PARG: variants seen among roughly 807,000 people sequenced by gnomAD.
PARG encodes mitochondrial poly(ADP-ribose) glycohydrolase.
A neutral mutation model predicts 113.0 loss-of-function variants in PARG; 35 were observed. That is an observed-to-expected ratio of 0.31 (90% CI 0.24 to 0.41). The LOEUF (loss-of-function observed/expected upper bound fraction) is 0.41, where lower values mean the gene tolerates loss of function less well. Ranked by LOEUF, PARG falls within the 10% of genes least tolerant of loss-of-function variation. The pLI, the probability that PARG is intolerant of heterozygous loss-of-function variation, is 1.00. For missense variants in PARG, 797 were observed against 1,169.4 expected (o/e 0.68, Z 4.64); for synonymous variants, 330 against 409.9 (o/e 0.81, Z 2.36).
At chr10:49,934,563 A>C (rs1364482504) in intron 2 of PARG, among the ~76,000 whole-genome samples, 25 of 152,210 alleles carry the variant, frequency 1.6e-4, no homozygotes, top group East Asian at 1.2e-3. Flanking sequence ...TTAAAGACAC[A>C]GACTGGCCGG....
intron 4 of PARG, among the ~76,000 whole-genome samples, chr10:49,924,804 T>C (rs571615167): frequency 2.6e-5 from 4 of 152,238 alleles, no homozygotes; most frequent in African/African-American, 9.6e-5. Flanking sequence ...CCAAAATGTA[T>C]TTATTTGAAA....
intron 16 of PARG, among the ~76,000 whole-genome samples, chr10:49,820,898 C>T (rs1023034001): frequency 1.3e-5 from 2 of 152,038 alleles, no homozygotes; most frequent in Non-Finnish European, 2.9e-5. Flanking sequence ...TATTTATATT[C>T]GCTTCTATTA....
chr10:49,837,707 T>C (rs1554831381), intron 15 of PARG, among the ~76,000 whole-genome samples: 1 of 152,198 alleles, frequency 6.6e-6, no homozygotes, highest in Non-Finnish European at 1.5e-5. Flanking sequence ...CCTTTTTCAG[T>C]GAAAGAATTA....
chr10:49,905,676 C>A (rs546463253), intron 7 of PARG, among the ~76,000 whole-genome samples: 14 of 152,208 alleles, frequency 9.2e-5, no homozygotes, highest in Non-Finnish European at 1.9e-4. Flanking sequence ...TAACCCTTTA[C>A]TTACGAAGTG....
chr10:49,862,910 A>G (rs1209858314), intron 11 of PARG, among the ~76,000 whole-genome samples: 1 of 149,160 alleles, frequency 6.7e-6, no homozygotes, highest in Non-Finnish European at 1.5e-5. Context: ...TACTACTAAA[A>G]AGATAAAGAA....
Position 49,833,517 on chromosome 10 carries a change from C to T in PARG, c.2542-609G>A, listed in dbSNP as rs540667408. Among the ~76,000 whole-genome samples the T allele has an allele frequency of 2.2e-4, 33 of 152,310 alleles. 1 individual carries two copies. In the South Asian group the frequency reaches 6.4e-3, roughly 30 times the overall value. The stretch of plus-strand genomic sequence containing the variant: ...TAAGATGCCTTTTGGCTCTAAGATT[C>T]TCTAGTTTCACAGCTCTGTTTTAAG... On this transcript the variant is annotated intron_variant, in intron 15 of 17. Coordinates refer to ENST00000616448, the MANE Select transcript of PARG (RefSeq NM_003631.5).
intron 7 of PARG, among the ~76,000 whole-genome samples, chr10:49,893,821 G>A (rs1447979924): frequency 1.3e-5 from 2 of 151,850 alleles, no homozygotes; most frequent in African/African-American, 4.8e-5. Context: ...AGGCTCCCGA[G>A]CAGCTGTGAC....
chr10:49,824,338 A>C (rs1554829129), intron 16 of PARG, among the ~76,000 whole-genome samples: 1 of 152,192 alleles, frequency 6.6e-6, no homozygotes, highest in East Asian at 1.9e-4. Flanking sequence ...GATTTAAGTG[A>C]ACTCTCTTGC....
chr10:49,862,056 T>A (rs1846278578), intron 11 of PARG, among the ~76,000 whole-genome samples: 2 of 151,430 alleles, frequency 1.3e-5, no homozygotes, highest in Admixed American at 1.3e-4. Context: ...CTCTTCTGGC[T>A]TCCATTTTCT....
At chr10:49,853,119 C>T (rs1431025141) in intron 13 of PARG, among the ~76,000 whole-genome samples, 5 of 148,540 alleles carry the variant, frequency 3.4e-5, no homozygotes, top group African/African-American at 5.0e-5. Context: ...CTGCAAGCTC[C>T]GCCTCCTGGG....
chr10:49,880,635 C>T (rs1377980228), intron 8 of PARG, among the ~76,000 whole-genome samples: 3 of 152,106 alleles, frequency 2.0e-5, no homozygotes, highest in African/African-American at 7.2e-5. Flanking sequence ...GAATGAACCC[C>T]TCCTCTCGAC....
intron 13 of PARG, among the ~76,000 whole-genome samples, chr10:49,856,957 C>T (rs535699814): frequency 2.2e-5 from 3 of 138,696 alleles, no homozygotes; most frequent in South Asian, 4.4e-4. Context: ...TTCGGTGAGC[C>T]GAGATTGCAC....
chr10:49,840,036 CAA>C (rs1845146554), intron 15 of PARG, among the ~76,000 whole-genome samples: 1 of 152,096 alleles, frequency 6.6e-6, no homozygotes, highest in Non-Finnish European at 1.5e-5. Context: ...TGCTTTAAGG[CAA>C]GAGTTTGGAA....
chr10:49,905,640 G>C (rs2664470), intron 7 of PARG, among the ~76,000 whole-genome samples: 1 of 152,162 alleles, frequency 6.6e-6, no homozygotes, highest in Non-Finnish European at 1.5e-5. Context: ...GATATAATAC[G>C]CAGTACATTC....
chr10:49,920,208 G>C (rs1554848758), intron 6 of PARG, among the ~76,000 whole-genome samples: 1 of 151,596 alleles, frequency 6.6e-6, no homozygotes, highest in South Asian at 2.1e-4. Flanking sequence ...GGGAGGCCAA[G>C]GCCAGGTGGA....
chr10:49,832,732 G>C (rs1255200282), intron 16 of PARG, 71 bp downstream of exon 16: 5 of 755,918 alleles, frequency 6.6e-6, no homozygotes, highest in African/African-American at 5.4e-5. Context: ...CAGGACATGA[G>C]AAATCTGGTT....
At chr10:49,903,015 C>T (rs1848416147) in intron 7 of PARG, among the ~76,000 whole-genome samples, 1 of 151,902 alleles carries the variant, frequency 6.6e-6, no homozygotes, top group South Asian at 2.1e-4. Flanking sequence ...TTAGTAGAGA[C>T]AGGGTTTCAC....
In PARG at chr10:49,933,809, A is replaced by G; in HGVS notation, c.639T>C (p.Thr213=). The G allele has an allele frequency of 8.1e-6, 13 of 1,613,388 alleles. No individual in the cohort carries two copies. Among genetic ancestry groups the G allele is most frequent in the East Asian group, 2.2e-5 (1 of 44,872 alleles). Residue 213 remains threonine (T), a synonymous_variant, in exon 3 of 18, where the codon ACT becomes ACC. Transcript: ENST00000616448. ...TCTGCTTTGCATTTGCAAGCTTTACAGTTGTGAGAAACTGTTGATTGTCTC... is the reference window on the plus strand; with the variant it reads ...TCTGCTTTGCATTTGCAAGCTTTACGGTTGTGAGAAACTGTTGATTGTCTC... ...ENRDNQQFLT[T]VKLANAKQTT...
intron 7 of PARG, among the ~76,000 whole-genome samples, chr10:49,898,858 A>C (rs1588961159): frequency 1.3e-5 from 2 of 152,006 alleles, no homozygotes; most frequent in African/African-American, 4.8e-5. Context: ...CCAGCTAAAA[A>C]GTAATTCTCC....
Sources: allele counts gnomAD v4.1 joint callset (sites outside exome capture counted in the v4.1 genomes callset), GRCh38; gene constraint gnomAD v4.1.1; transcripts MANE v1.5; gene names NCBI Gene and HGNC (gene_info 2026-07-23, HGNC 2026-07-21).